CALD1: variants seen among roughly 807,000 people sequenced by gnomAD.
CALD1 encodes the protein caldesmon 1.
CALD1 carries 33 observed loss-of-function variants against 99.9 expected under a neutral mutation model. The observed-to-expected ratio is 0.33, with a 90% CI of 0.25 to 0.44. The LOEUF (loss-of-function observed/expected upper bound fraction) is 0.44. CALD1 is among the 20% of genes least tolerant of loss of function. The pLI is 1.00. For missense variants in CALD1, 861 were observed against 962.1 expected, an observed-to-expected ratio of 0.89 and a Z score of 1.39; for synonymous variants, 310 against 325.0, an observed-to-expected ratio of 0.95 and a Z score of 0.50.
At chr7:134,742,483 C>T (rs1338348536), upstream of CALD1, among the ~76,000 whole-genome samples, 1 of 152,162 alleles carries the variant, frequency 6.6e-6, no homozygotes, top group African/African-American at 2.4e-5. Context: ...TTGGAATGTG[C>T]TCGAAGTCCT....
intron 1 of CALD1, among the ~76,000 whole-genome samples, chr7:134,748,695 G>C (rs1796657391): frequency 6.8e-6 from 1 of 146,924 alleles, no homozygotes; most frequent in African/African-American, 2.5e-5. Context: ...TGTGCAACAA[G>C]AGTGAAACTC....
upstream of CALD1, among the ~76,000 whole-genome samples, chr7:134,740,158 A>G (rs932662570): frequency 5.3e-5 from 8 of 152,184 alleles, no homozygotes; most frequent in African/African-American, 1.4e-4. Flanking sequence ...AGTGGACACA[A>G]TTAAGTATGC....
chr7:134,735,710 T>C, the CALD1 span, among the ~76,000 whole-genome samples: 3,352 of 152,252 alleles, frequency 0.022, 122 homozygotes, highest in African/African-American at 0.072. Flanking sequence ...GTTTACACAC[T>C]GTCCTATTGC....
the CALD1 span, among the ~76,000 whole-genome samples, chr7:134,728,294 C>G: frequency 6.6e-6 from 1 of 152,092 alleles, no homozygotes; most frequent in Non-Finnish European, 1.5e-5. Context: ...GCCCCCTGAG[C>G]CAGAGTATGC....
At position 134,965,519 on chromosome 7, in the gene CALD1, G is replaced by C. The variant is rs1198847721; in HGVS notation, c.2376+133G>C. 4 of 650,128 alleles carry C rather than the reference G, an allele frequency of 6.2e-6. No homozygotes were observed. In the African/African-American group the frequency reaches 7.2e-5, roughly 12 times the overall value. The allele number at this position is 650,128 out of a possible 1,614,324, so 40.3% of individuals were successfully genotyped here. On this transcript the variant is annotated intron_variant, in intron 14 of 14. Coordinates refer to ENST00000361675, the MANE Select transcript of CALD1 (RefSeq NM_033138.4). ...CCTGCACACCCATCAGTGTCTAAAA[G>C]ACCAGTACATAACACAGTGAAATGA... is the stretch of plus-strand genomic sequence containing the variant.
At position 134,866,525 on chromosome 7, in the gene CALD1, A is replaced by T. The variant is rs1586150296; in HGVS notation, c.-41-1168A>T. Among the ~76,000 whole-genome samples the T allele has an allele frequency of 3.9e-5, 6 of 152,146 alleles. 2 individuals carry two copies. Among genetic ancestry groups the T allele is most frequent in the Admixed American group, 3.9e-4 (6 of 15,284 alleles). ...TGTGGGGTTTTTTTAGAGGGGAAAAAACCTTTGAAAATAAAATAATTGGAC... is the reference window on the plus strand; with the variant it reads ...TGTGGGGTTTTTTTAGAGGGGAAAATACCTTTGAAAATAAAATAATTGGAC... On this transcript the variant is annotated intron_variant, in intron 2 of 14. Transcript: ENST00000361675.
chr7:134,870,629 T>A (rs554911462), intron 3 of CALD1, among the ~76,000 whole-genome samples: 1 of 152,310 alleles, frequency 6.6e-6, no homozygotes, highest in South Asian at 2.1e-4. Flanking sequence ...TATATTTCTG[T>A]CTGTATTACT....
intron 1 of CALD1, among the ~76,000 whole-genome samples, chr7:134,800,790 A>G (rs530386657): frequency 8.5e-5 from 13 of 152,112 alleles, no homozygotes; most frequent in African/African-American, 2.9e-4. Context: ...ACATTTTAAA[A>G]ATACTTGCTT....
intron 7 of CALD1, among the ~76,000 whole-genome samples, chr7:134,943,657 C>A (rs567370344): frequency 6.6e-6 from 1 of 151,882 alleles, no homozygotes; most frequent in Non-Finnish European, 1.5e-5. Context: ...ATTATAAAAA[C>A]GCTCAGAAAA....
chr7:134,818,551 G>T (rs1340312632), intron 1 of CALD1, among the ~76,000 whole-genome samples: 1 of 152,188 alleles, frequency 6.6e-6, no homozygotes, highest in Non-Finnish European at 1.5e-5. Flanking sequence ...GTTTGCCAGT[G>T]ATATTTTGGA....
chr7:134,960,230 T>A, intron 12 of CALD1, 119 bp downstream of exon 12: 1 of 1,226,434 alleles, frequency 8.2e-7, no homozygotes, highest in Non-Finnish European at 1.2e-6. Context: ...AATTTGTACT[T>A]TGTTTTGCAA....
intron 1 of CALD1, among the ~76,000 whole-genome samples, chr7:134,786,802 T>C (rs1450991114): frequency 1.3e-5 from 2 of 152,236 alleles, no homozygotes; most frequent in African/African-American, 2.4e-5. Flanking sequence ...TAAGAGAGCA[T>C]GTTTTAACAG....
At chr7:134,716,888 T>C in the CALD1 span, among the ~76,000 whole-genome samples, 4 of 152,208 alleles carry the variant, frequency 2.6e-5, no homozygotes, top group Admixed American at 6.5e-5. Flanking sequence ...AAGAAATCAC[T>C]GGTCTTCGAT....
At chr7:134,835,940 T>A (rs2132108133) in intron 1 of CALD1, among the ~76,000 whole-genome samples, 1 of 151,666 alleles carries the variant, frequency 6.6e-6, no homozygotes, top group East Asian at 1.9e-4. Flanking sequence ...GAGTTAGGAG[T>A]TCGAGACCAG....
intron 1 of CALD1, among the ~76,000 whole-genome samples, chr7:134,830,477 G>A (rs868568676): frequency 1.3e-4 from 20 of 151,880 alleles, no homozygotes; most frequent in Non-Finnish European, 2.4e-4. Flanking sequence ...TGTGTGTCAC[G>A]GGGGTTTGTT....
At position 134,950,525 on chromosome 7, in the gene CALD1, C is replaced by T. The variant is rs1807254387; in HGVS notation, c.1935+11C>T. 1 of 1,609,802 alleles carries T rather than the reference C, an allele frequency of 6.2e-7. No individual in the cohort carries two copies. ...GGTTCATCTCTCAAGGTATTTTTTT[C>T]CCCAGAAAACTTCTATTAGAATATG... On this transcript the variant is annotated intron_variant, in intron 9 of 14. Transcript: ENST00000361675.
intron 3 of CALD1, among the ~76,000 whole-genome samples, chr7:134,902,184 G>A (rs1372631554): frequency 1.3e-5 from 2 of 152,038 alleles, no homozygotes; most frequent in South Asian, 2.1e-4. Context: ...CGTCACAAAA[G>A]AGCAAAAGTT....
chr7:134,919,318 T>G (rs1804444275), intron 3 of CALD1, among the ~76,000 whole-genome samples: 1 of 152,184 alleles, frequency 6.6e-6, no homozygotes, highest in Non-Finnish European at 1.5e-5. Flanking sequence ...ATCTATTTGT[T>G]GGACAGGATG....
At chr7:134,735,565 CTGTGTGTGTG>C in the CALD1 span, among the ~76,000 whole-genome samples, 3 of 121,336 alleles carry the variant, frequency 2.5e-5, no homozygotes, top group Admixed American at 8.1e-5. Context: ...CCACTACCCT[CTGTGTGTGTG>C]TGTGTGTGTG....
Sources: gnomAD v4.1 joint callset for allele counts (sites outside exome capture counted in the v4.1 genomes callset) on GRCh38, gnomAD v4.1.1 for gene constraint, MANE v1.5 for transcripts, NCBI Gene and HGNC (gene_info 2026-07-23, HGNC 2026-07-21) for gene names.